The following NCK1 variants were observed in gnomAD, a reference collection of about 807,000 sequenced individuals.
The protein encoded by NCK1 is SH2/SH3 adapter protein NCK1.
Under a neutral mutation model 36.6 loss-of-function variants are expected in NCK1, and 19 were observed. That is an observed-to-expected ratio of 0.52 (90% CI 0.36 to 0.76). The LOEUF (loss-of-function observed/expected upper bound fraction) is 0.76. Ranked by LOEUF, NCK1 falls within the 30% of genes least tolerant of loss-of-function variation. The pLI, the probability that NCK1 is intolerant of heterozygous loss-of-function variation, is 0.00. For missense variants in NCK1, 358 were observed against 445.6 expected (o/e 0.80, Z 1.77); for synonymous variants, 165 against 156.0 (o/e 1.06, Z -0.43).
At chr3:136,939,123 C>A (rs1159282963) in intron 2 of NCK1, among the ~76,000 whole-genome samples, 1 of 152,072 alleles carries the variant, frequency 6.6e-6, no homozygotes, top group African/African-American at 2.4e-5. Flanking sequence ...ATTTTTGATG[C>A]GAGATGTTTT....
At chr3:136,882,394 A>G (rs572329868) in intron 1 of NCK1, among the ~76,000 whole-genome samples, 82 of 152,046 alleles carry the variant, frequency 5.4e-4, no homozygotes, top group African/African-American at 1.8e-3. Context: ...AGGTCTTTTT[A>G]TTTTTACTTT....
chr3:136,947,031 A>C (rs370506982), intron 3 of NCK1: 3 of 152,174 alleles, frequency 2.0e-5, no homozygotes, highest in African/African-American at 7.2e-5. Flanking sequence ...TTATTAAATC[A>C]TGGTTAATCT....
chr3:136,933,370 A>T (rs1162098828), intron 2 of NCK1, among the ~76,000 whole-genome samples: 2 of 152,204 alleles, frequency 1.3e-5, no homozygotes, highest in Admixed American at 1.3e-4. Context: ...CACATAAGGA[A>T]TAGTTATGGG....
chr3:136,913,952 G>C (rs960352051), intron 1 of NCK1, among the ~76,000 whole-genome samples: 2 of 152,188 alleles, frequency 1.3e-5, no homozygotes. Context: ...GAGCCACCAC[G>C]CCCAGCCGCA....
intron 1 of NCK1, among the ~76,000 whole-genome samples, chr3:136,920,851 A>G (rs976569182): frequency 2.0e-5 from 3 of 152,210 alleles, no homozygotes; most frequent in African/African-American, 4.8e-5. Context: ...CTTATATACT[A>G]TATGGGAATT....
At chr3:136,871,650 T>C (rs1465134457) in intron 1 of NCK1, among the ~76,000 whole-genome samples, 6 of 152,160 alleles carry the variant, frequency 3.9e-5, no homozygotes, top group African/African-American at 1.2e-4. Flanking sequence ...GTTTTTGAAC[T>C]TTATATAAAT....
At position 136,867,120 on chromosome 3, in the gene NCK1, G is replaced by C. The variant is rs200116556; in HGVS notation, c.-19+4767G>C. ...TCTTTCTTTCTTTCTTTCTTTCTTT[G>C]TTTCTTTCTTTCCTTCCTTCCTTCC... On this transcript the variant is annotated intron_variant, in intron 1 of 3. Transcript: ENST00000481752. 3.0e-3 allele frequency among the ~76,000 whole-genome samples: 78 copies of C among 26,266 alleles called. 16 individuals carry two copies. The highest frequency in any genetic ancestry group is 7.5e-3 in the African/African-American group (55 of 7,318). 17.2% of individuals were successfully genotyped at this position (26,266 alleles called of 152,430 possible).
At chr3:136,889,526 T>C (rs7642679) in intron 1 of NCK1, among the ~76,000 whole-genome samples, 13,207 of 152,088 alleles carry the variant, frequency 0.087, 1,891 homozygotes, top group African/African-American at 0.3. Context: ...GCTTCCACAG[T>C]GTGGAAGGGG....
intron 1 of NCK1, among the ~76,000 whole-genome samples, chr3:136,864,863 T>G (rs1396651651): frequency 2.7e-5 from 4 of 150,234 alleles, no homozygotes; most frequent in Non-Finnish European, 4.4e-5. Context: ...GTTCAATCGA[T>G]TCTTGTGCCT....
At chr3:136,867,755 A>G (rs896550958) in intron 1 of NCK1, among the ~76,000 whole-genome samples, 3 of 152,052 alleles carry the variant, frequency 2.0e-5, no homozygotes, top group African/African-American at 7.2e-5. Flanking sequence ...CAAAGACTCA[A>G]CCCTTGATCT....
chr3:136,947,983 G>A (rs1940871943), intron 3 of NCK1, among the ~76,000 whole-genome samples: 1 of 152,106 alleles, frequency 6.6e-6, no homozygotes, highest in Non-Finnish European at 1.5e-5. Flanking sequence ...AGCCGTGGGT[G>A]TTAAGAGACT....
chr3:136,927,878 A>C, intron 1 of NCK1, 106 bp from the exon 2 acceptor site: 1 of 817,596 alleles, frequency 1.2e-6, no homozygotes, highest in Middle Eastern at 2.4e-4. Context: ...CATATTTTTT[A>C]CTTTTCATCT....
At chr3:136,863,073 G>GAT (rs1560026542) in intron 1 of NCK1, among the ~76,000 whole-genome samples, 6 of 151,676 alleles carry the variant, frequency 4.0e-5, no homozygotes, top group Non-Finnish European at 5.9e-5. Flanking sequence ...AGGAAGCTGG[G>GAT]TTTTGTTCAG....
chr3:136,914,108 C>T (rs899718529), intron 1 of NCK1, among the ~76,000 whole-genome samples: 6 of 152,150 alleles, frequency 3.9e-5, no homozygotes, highest in Admixed American at 1.3e-4. Flanking sequence ...AGCCTGACTG[C>T]GGGGAGCAGT....
chr3:136,935,124 C>T (rs988983585), intron 2 of NCK1, among the ~76,000 whole-genome samples: 3 of 152,174 alleles, frequency 2.0e-5, no homozygotes, highest in African/African-American at 7.2e-5. Context: ...TGGTCTTGAA[C>T]TCCTGGCCTC....
chr3:136,942,205 T>C (rs1187197293), intron 2 of NCK1, among the ~76,000 whole-genome samples: 4 of 152,224 alleles, frequency 2.6e-5, no homozygotes, highest in South Asian at 2.1e-4. Flanking sequence ...TATCTGGGAA[T>C]GTCTTATGTT....
At chr3:136,923,023 G>A (rs949029111) in intron 1 of NCK1, among the ~76,000 whole-genome samples, 67 of 152,148 alleles carry the variant, frequency 4.4e-4, no homozygotes, top group African/African-American at 1.6e-3. Context: ...GAAGTCTCAT[G>A]TGCTGCTGTG....
chr3:136,912,894 G>T (rs1277622901), intron 1 of NCK1, among the ~76,000 whole-genome samples: 1 of 152,028 alleles, frequency 6.6e-6, no homozygotes, highest in Non-Finnish European at 1.5e-5. Flanking sequence ...CTGGACTCAA[G>T]TGATCCTTCT....
chr3:136,892,968 C>G (rs910797510), intron 1 of NCK1, among the ~76,000 whole-genome samples: 2 of 151,584 alleles, frequency 1.3e-5, no homozygotes, highest in South Asian at 2.1e-4. Flanking sequence ...ACGCCACCAC[C>G]CTTATCATTC....
Sources: gnomAD v4.1 joint callset for allele counts (sites outside exome capture counted in the v4.1 genomes callset) on GRCh38, gnomAD v4.1.1 for gene constraint, MANE v1.5 for transcripts, NCBI Gene and HGNC (gene_info 2026-07-23, HGNC 2026-07-21) for gene names.